DPF3: variants seen among roughly 807,000 people sequenced by gnomAD.
The protein encoded by DPF3 is zinc finger protein DPF3.
In DPF3, 18 loss-of-function variants were observed where a neutral mutation model predicts 56.8. The ratio of observed to expected loss-of-function variants is 0.32; its 90% CI spans 0.22 to 0.47. DPF3 has a LOEUF of 0.47. Ranked by LOEUF, DPF3 falls within the 20% of genes least tolerant of loss-of-function variation. The pLI is 1.00. For synonymous variants in DPF3, 188 were observed against 180.2 expected (o/e 1.04, Z -0.35); for missense variants, 403 against 488.8 (o/e 0.82, Z 1.65).
At chr14:72,840,306 AT>A (rs887285676) in intron 1 of DPF3, among the ~76,000 whole-genome samples, 35 of 152,056 alleles carry the variant, frequency 2.3e-4, no homozygotes, top group African/African-American at 5.1e-4. Flanking sequence ...AGTTTGTTTG[AT>A]TTTTTTTATT....
intron 1 of DPF3, among the ~76,000 whole-genome samples, chr14:72,819,244 A>T (rs1189423256): frequency 6.6e-6 from 1 of 152,268 alleles, no homozygotes; most frequent in African/African-American, 2.4e-5. Flanking sequence ...GCCACTGCTG[A>T]CGGGAATATG....
At chr14:72,791,436 C>T (rs773134965) in intron 1 of DPF3, among the ~76,000 whole-genome samples, 5 of 152,200 alleles carry the variant, frequency 3.3e-5, no homozygotes, top group Non-Finnish European at 7.3e-5. Flanking sequence ...TGAAGGTTTG[C>T]CCTGGCAGCC....
chr14:72,711,216 G>A (rs1888639900), intron 6 of DPF3, among the ~76,000 whole-genome samples: 1 of 152,206 alleles, frequency 6.6e-6, no homozygotes, highest in South Asian at 2.1e-4. Context: ...TGGGAATTAT[G>A]CAAATCACAC....
intron 1 of DPF3, among the ~76,000 whole-genome samples, chr14:72,865,778 G>A (rs557926901): frequency 2.6e-5 from 4 of 152,276 alleles, no homozygotes; most frequent in East Asian, 1.9e-4. Context: ...CGGGTGCATC[G>A]GCTCATGCCT....
chr14:72,754,027 G>T (rs955223830), intron 2 of DPF3, among the ~76,000 whole-genome samples: 1 of 151,900 alleles, frequency 6.6e-6, no homozygotes. Flanking sequence ...AAAAAAATAG[G>T]CAGGAGGCCA....
At chr14:72,708,763 C>T (rs139757211) in intron 6 of DPF3, among the ~76,000 whole-genome samples, 59 of 152,340 alleles carry the variant, frequency 3.9e-4, no homozygotes, top group African/African-American at 1.2e-3. Context: ...TCCCATCGCA[C>T]CTCTTGGCCT....
At chr14:72,856,740 T>A in intron 1 of DPF3, among the ~76,000 whole-genome samples, 1 of 152,166 alleles carries the variant, frequency 6.6e-6, no homozygotes, top group Non-Finnish European at 1.5e-5. Context: ...TCCAGAAGTA[T>A]GAATAATGCG....
intron 1 of DPF3, among the ~76,000 whole-genome samples, chr14:72,848,667 C>T (rs940591988): frequency 2.6e-5 from 4 of 152,158 alleles, no homozygotes; most frequent in Non-Finnish European, 1.5e-5. Context: ...AGTACCAGGG[C>T]TAAACAAACT....
At chr14:72,768,397 G>C (rs1450012791) in intron 2 of DPF3, among the ~76,000 whole-genome samples, 3 of 152,152 alleles carry the variant, frequency 2.0e-5, no homozygotes, top group Non-Finnish European at 2.9e-5. Context: ...AATGAGTGTT[G>C]GGTGGTAATA....
intron 8 of DPF3, among the ~76,000 whole-genome samples, chr14:72,631,306 C>G (rs2803965): frequency 0.28 from 42,503 of 152,108 alleles, 6,619 homozygotes; most frequent in African/African-American, 0.42. Flanking sequence ...GTGATACCAT[C>G]ACAGTGGCCC....
At chr14:72,878,259 T>C (rs7161198) in intron 1 of DPF3, among the ~76,000 whole-genome samples, 80,501 of 151,986 alleles carry the variant, frequency 0.53, 22,388 homozygotes, top group East Asian at 0.74. Flanking sequence ...ACAAAAGTTA[T>C]AATGATACGC....
intron 3 of DPF3, among the ~76,000 whole-genome samples, chr14:72,733,379 G>A (rs1208160138): frequency 6.6e-6 from 1 of 151,920 alleles, no homozygotes; most frequent in Admixed American, 6.6e-5. Context: ...GATCTGACAA[G>A]GTAGGTTAAA....
intron 4 of DPF3, among the ~76,000 whole-genome samples, chr14:72,725,432 G>C (rs575610925): frequency 6.6e-6 from 1 of 152,072 alleles, no homozygotes; most frequent in Non-Finnish European, 1.5e-5. Flanking sequence ...GAGGACAGAG[G>C]GGAGGGAGGG....
At chr14:72,690,546 GCA>G (rs1438484577) in intron 7 of DPF3, among the ~76,000 whole-genome samples, 5 of 149,042 alleles carry the variant, frequency 3.4e-5, no homozygotes, top group Non-Finnish European at 7.5e-5. Flanking sequence ...CAAACAACAC[GCA>G]CACACATGCA....
At position 72,668,756 on chromosome 14, in the gene DPF3, C is replaced by T. The variant is rs1886541652; in HGVS notation, c.871+5484G>A. ...GGACTATGAGCAACTAGACAGAATT[C>T]AAATGAGAGTGTAGATTGGTTGAAC... On this transcript the variant is annotated intron_variant, in intron 8 of 10. Transcript: ENST00000556509. Among the ~76,000 whole-genome samples the T allele has an allele frequency of 2.0e-5, 3 of 151,680 alleles. 1 individual carries two copies. The South Asian group carries it at 6.3e-4, about 32-fold the overall frequency.
At chr14:72,804,055 C>T (rs527906308) in intron 1 of DPF3, among the ~76,000 whole-genome samples, 25 of 152,198 alleles carry the variant, frequency 1.6e-4, no homozygotes, top group Non-Finnish European at 2.9e-4. Context: ...GGTGCAGAGA[C>T]GCCAAGAAAC....
chr14:72,725,399 G>A (rs757076918), intron 4 of DPF3, among the ~76,000 whole-genome samples: 3 of 152,114 alleles, frequency 2.0e-5, no homozygotes, highest in Non-Finnish European at 2.9e-5. Flanking sequence ...TGTGGAGGAT[G>A]AGCAAAGACT....
intron 6 of DPF3, among the ~76,000 whole-genome samples, chr14:72,710,115 T>G (rs1314786033): frequency 6.6e-6 from 1 of 152,176 alleles, no homozygotes; most frequent in Non-Finnish European, 1.5e-5. Flanking sequence ...AGGAGTCTGC[T>G]CCAATGACGC....
intron 1 of DPF3, among the ~76,000 whole-genome samples, chr14:72,810,686 C>A (rs2140017018): frequency 6.6e-6 from 1 of 152,304 alleles, no homozygotes; most frequent in South Asian, 2.1e-4. Flanking sequence ...ACCCAGCAAG[C>A]ACCCACATCA....
Sources: gnomAD v4.1 joint callset for allele counts (sites outside exome capture counted in the v4.1 genomes callset) on GRCh38, gnomAD v4.1.1 for gene constraint, MANE v1.5 for transcripts, NCBI Gene and HGNC (gene_info 2026-07-23, HGNC 2026-07-21) for gene names.